Variants in TFRC observed in about 807,000 individuals in gnomAD.
TFRC encodes the protein transferrin receptor.
A neutral mutation model predicts 85.8 loss-of-function variants in TFRC; 35 were observed. The ratio of observed to expected loss-of-function variants is 0.41; its 90% CI spans 0.31 to 0.54. The LOEUF (loss-of-function observed/expected upper bound fraction) is 0.54, where lower values mean the gene tolerates loss of function less well. Among genes scored for constraint, TFRC ranks in the 20% least tolerant of loss-of-function variants. The pLI, the probability that TFRC is intolerant of heterozygous loss-of-function variation, is 0.31. For missense variants in TFRC, 828 were observed against 921.5 expected (o/e 0.90, Z 1.31); for synonymous variants, 362 against 328.6 (o/e 1.10, Z -1.10).
chr3:196,053,358 T>TA, intron 18 of TFRC, 60 bp downstream of exon 18: 1 of 1,595,158 alleles, frequency 6.3e-7, no homozygotes, highest in African/African-American at 1.3e-5. Flanking sequence ...TGCAGAAGTG[T>TA]AAGATTTATC....
chr3:196,060,307 C>T lies in TFRC; in HGVS notation c.1469-60G>A, dbSNP rs1307018296. ...CATTCCGATAATTTTCACACTGCTA[C>T]TTCTACAACTATAAGTACTTGACAA... is the stretch of plus-strand genomic sequence containing the variant. On this transcript the variant is annotated intron_variant, in intron 13 of 18. Transcript: ENST00000360110. 3.0e-6 allele frequency: 4 copies of T among 1,354,594 alleles called. No homozygotes were observed. The Admixed American group carries it at 5.4e-5, about 18-fold the overall frequency. The allele number at this position is 1,354,594 out of a possible 1,614,324, so 83.9% of individuals were successfully genotyped here.
rs1222334569 is a variant in TFRC, at chr3:196,055,165, A to C, written c.1814T>G (p.Val605Gly). The C allele has an allele frequency of 2.5e-6, 4 of 1,614,104 alleles. No homozygotes were observed. The highest frequency in any genetic ancestry group is 2.5e-6 in the Non-Finnish European group (3 of 1,180,034). ...GQFVIKLTHD[V>G]ELNLDYERYN... ...CCTCTCATAGTCCAGGTTCAATTCA[A>C]CATCATGGGTTAGTTTAATCACGAA... The change falls in exon 17 of 19, where the codon GTT becomes GGT. Residue 605 changes from valine (V) to glycine (G), a missense_variant. Coordinates refer to ENST00000360110, the MANE Select transcript of TFRC (RefSeq NM_001128148.3).
chr3:196,069,324 T>C lies in TFRC; in HGVS notation c.801+131A>G, dbSNP rs1717998241. On this transcript the variant is annotated intron_variant, in intron 7 of 18. Transcript: ENST00000360110. Reference sequence around the variant, plus strand: ...TTCATTTGTTGAGCATTTTAATAAATTATATTATCTGGTATGAGAGTTTAA... The same window carrying C: ...TTCATTTGTTGAGCATTTTAATAAACTATATTATCTGGTATGAGAGTTTAA... 2.0e-5 allele frequency: 12 copies of C among 614,544 alleles called. No individual in the cohort carries two copies. The South Asian group carries it at 2.0e-4, about 10-fold the overall frequency. 38.1% of individuals were successfully genotyped at this position (614,544 alleles called of 1,614,324 possible).
intron 2 of TFRC, among the ~76,000 whole-genome samples, chr3:196,075,761 G>A (rs1262982140): frequency 1.3e-5 from 2 of 151,968 alleles, no homozygotes; most frequent in African/African-American, 2.4e-5. Flanking sequence ...GTTGGTGGGA[G>A]CAAGGGAGCA....
chr3:196,078,047 T>C (rs555412), intron 1 of TFRC, among the ~76,000 whole-genome samples: 44,876 of 152,034 alleles, frequency 0.3, 7,385 homozygotes, highest in Non-Finnish European at 0.37. Context: ...GTTATAGAAA[T>C]TGTGTTATCA....
rs184257247 is a variant in TFRC at position 196,056,924 on chromosome 3, C to T, written c.1677+1360G>A. Among the ~76,000 whole-genome samples, 488 of 152,136 alleles carry T rather than the reference C, an allele frequency of 3.2e-3. 3 individuals are homozygous for T. The highest frequency in any genetic ancestry group is 0.011 in the African/African-American group (466 of 41,506). On this transcript the variant is annotated intron_variant, in intron 16 of 18. Coordinates refer to ENST00000360110, the MANE Select transcript of TFRC (RefSeq NM_001128148.3). Reference sequence around the variant, plus strand: ...GCAACCTCTGCCTCCCAGGTTCAAGCGATTCTCCTGCCTCAGCCTCCTGAG... The same window carrying T: ...GCAACCTCTGCCTCCCAGGTTCAAGTGATTCTCCTGCCTCAGCCTCCTGAG...
intron 6 of TFRC, among the ~76,000 whole-genome samples, chr3:196,070,440 T>C (rs1051434816): frequency 5.3e-5 from 8 of 152,102 alleles, no homozygotes; most frequent in African/African-American, 1.9e-4. Context: ...AATTTTTGTA[T>C]TTTTAATAGA....
intron 6 of TFRC, 26 bp downstream of exon 6, chr3:196,071,370 C>T (rs764406624): frequency 1.4e-4 from 213 of 1,569,840 alleles, no homozygotes; most frequent in Middle Eastern, 5.0e-4. Flanking sequence ...AGGGAAGAGT[C>T]TCATGCACTG....
At position 196,050,035 on chromosome 3, in the gene TFRC, T is replaced by C. The variant is rs1268756852; in HGVS notation, c.*1907A>G. 3.9e-5 allele frequency: 9 copies of C among 231,478 alleles called. No homozygotes were observed. The highest frequency in any genetic ancestry group is 2.0e-4 in the African/African-American group (9 of 45,362). 14.3% of individuals were successfully genotyped at this position (231,478 alleles called of 1,614,324 possible). ...CATTTAATTGATCACCACGAATGGGTAGGCAGACGTGTCAGACCTTCAGGG... is the reference window on the plus strand; with the variant it reads ...CATTTAATTGATCACCACGAATGGGCAGGCAGACGTGTCAGACCTTCAGGG... On this transcript the variant is annotated 3_prime_UTR_variant, in exon 19 of 19. Transcript: ENST00000360110.
At chr3:196,064,459 C>A in intron 10 of TFRC, 31 bp from the exon 11 acceptor site, 1 of 1,558,996 alleles carries the variant, frequency 6.4e-7, no homozygotes, top group Non-Finnish European at 8.6e-7. Context: ...GAAGAAAGAA[C>A]TTATATAATC....
At chr3:196,055,906 T>C (rs1313696905) in intron 16 of TFRC, among the ~76,000 whole-genome samples, 1 of 148,880 alleles carries the variant, frequency 6.7e-6, no homozygotes, top group African/African-American at 2.5e-5. Flanking sequence ...GATGCAATCA[T>C]GGCTCCCTCT....
chr3:196,070,731 T>C (rs1052916995), intron 6 of TFRC, among the ~76,000 whole-genome samples: 37 of 149,494 alleles, frequency 2.5e-4, no homozygotes, highest in South Asian at 6.3e-4. Flanking sequence ...GGAGTTTCAA[T>C]TGAAGACCAG....
intron 7 of TFRC, among the ~76,000 whole-genome samples, chr3:196,069,244 T>TA (rs1491471466): frequency 6.6e-6 from 1 of 152,186 alleles, no homozygotes; most frequent in African/African-American, 2.4e-5. Context: ...AAAACTGAGT[T>TA]ATACAGAGAA....
At chr3:196,060,338 A>G (rs1408826353) in intron 13 of TFRC, 91 bp from the exon 14 acceptor site, 2 of 1,102,448 alleles carry the variant, frequency 1.8e-6, no homozygotes, top group Admixed American at 4.1e-5. Context: ...GACAAATAAG[A>G]CAGTAATCTA....
chr3:196,076,078 C>T (rs1324917175), intron 2 of TFRC, among the ~76,000 whole-genome samples: 1 of 151,440 alleles, frequency 6.6e-6, no homozygotes, highest in Non-Finnish European at 1.5e-5. Flanking sequence ...GCGGAGGTTA[C>T]AGTGAGCTAA....
In TFRC at chr3:196,049,493, A is replaced by G; in HGVS notation, c.*2449T>C. 1 of 219,510 alleles carries G rather than the reference A, an allele frequency of 4.6e-6. No homozygotes were observed. Among genetic ancestry groups the G allele is most frequent in the Admixed American group, 5.8e-5 (1 of 17,280 alleles). 13.6% of individuals were successfully genotyped at this position (219,510 alleles called of 1,614,324 possible). ...ATTCATTTTATCCTTTACCTCCAAA[A>G]GGCCCATCTCCTTAACGAGAAGACA... On this transcript the variant is annotated 3_prime_UTR_variant, in exon 19 of 19. Coordinates refer to ENST00000360110, the MANE Select transcript of TFRC (RefSeq NM_001128148.3).
intron 12 of TFRC, 36 bp from the exon 13 acceptor site, chr3:196,062,681 C>T (rs766615738): frequency 6.3e-7 from 1 of 1,585,382 alleles, no homozygotes; most frequent in Admixed American, 1.8e-5. Context: ...AAGTATAAAT[C>T]TGTTTATTTA....
chr3:196,079,264 T>G (rs1342650173), intron 1 of TFRC, among the ~76,000 whole-genome samples: 1 of 152,208 alleles, frequency 6.6e-6, no homozygotes, highest in Non-Finnish European at 1.5e-5. Context: ...GTTTTAACAC[T>G]CATCTGAACC....
intron 2 of TFRC, 116 bp from the exon 3 acceptor site, chr3:196,075,476 G>T: frequency 1.0e-6 from 1 of 993,068 alleles, no homozygotes; most frequent in Non-Finnish European, 1.5e-6. Context: ...ATTCCTTAGG[G>T]TGTTCTCCTT....
Sources: gnomAD v4.1 joint callset for allele counts (sites outside exome capture counted in the v4.1 genomes callset) on GRCh38, gnomAD v4.1.1 for gene constraint, MANE v1.5 for transcripts, NCBI Gene and HGNC (gene_info 2026-07-23, HGNC 2026-07-21) for gene names.